NWD2: variants seen among roughly 807,000 people sequenced by gnomAD.
The protein encoded by NWD2 is NACHT and WD repeat domain-containing protein 2.
Under a neutral mutation model 132.7 loss-of-function variants are expected in NWD2, and 37 were observed. The ratio of observed to expected loss-of-function variants is 0.28; its 90% CI spans 0.21 to 0.37. NWD2 has a LOEUF of 0.37. NWD2 is among the 10% of genes least tolerant of loss of function. NWD2 has a pLI of 1.00. For synonymous variants in NWD2, 705 were observed against 803.0 expected, an observed-to-expected ratio of 0.88 and a Z score of 2.06; for missense variants, 1,592 against 2,122.4, an observed-to-expected ratio of 0.75 and a Z score of 4.91.
At chr4:37,323,042 G>A (rs1208207340) in intron 1 of NWD2, among the ~76,000 whole-genome samples, 1 of 109,594 alleles carries the variant, frequency 9.1e-6, no homozygotes, top group African/African-American at 2.6e-5. Flanking sequence ...CTAATTTAGT[G>A]GCTGTATGCT....
intron 3 of NWD2, among the ~76,000 whole-genome samples, chr4:37,388,437 G>C (rs1287664483): frequency 6.6e-6 from 1 of 152,048 alleles, no homozygotes; most frequent in Non-Finnish European, 1.5e-5. Flanking sequence ...GCCCACCTCA[G>C]CATCCCAAAG....
chr4:37,298,025 C>T (rs537787888), intron 1 of NWD2, among the ~76,000 whole-genome samples: 1 of 152,136 alleles, frequency 6.6e-6, no homozygotes, highest in African/African-American at 2.4e-5. Flanking sequence ...AACTGGTGGG[C>T]GTCTCAGTAA....
In NWD2 at chr4:37,447,100, A is replaced by G; in HGVS notation, c.5112A>G (p.Thr1704=). The part of the protein sequence containing the change: ...TEVFARDSPI[T]VSDSTESNEA... ...TCTTTGCAAGAGACAGCCCCATCAC[A>G]GTTAGTGACTCTACTGAGTCCAATG... Residue 1704 remains threonine, a synonymous_variant, in exon 7 of 7, where the codon ACA becomes ACG. Coordinates refer to ENST00000309447, the MANE Select transcript of NWD2 (RefSeq NM_001144990.2). The G allele has an allele frequency of 6.4e-7, 1 of 1,551,620 alleles. No homozygotes were observed. Among genetic ancestry groups the G allele is most frequent in the Non-Finnish European group, 8.7e-7 (1 of 1,146,994 alleles).
At chr4:37,324,786 C>T (rs572205236) in intron 1 of NWD2, among the ~76,000 whole-genome samples, 3 of 152,150 alleles carry the variant, frequency 2.0e-5, no homozygotes, top group Non-Finnish European at 4.4e-5. Context: ...GCTGCAGCTG[C>T]ATTTCAGGCT....
intron 5 of NWD2, among the ~76,000 whole-genome samples, chr4:37,434,377 A>AG (rs773981752): frequency 6.6e-5 from 10 of 152,308 alleles, no homozygotes; most frequent in Non-Finnish European, 1.3e-4. Context: ...AGCACTGGGG[A>AG]GACAACACTG....
intron 1 of NWD2, among the ~76,000 whole-genome samples, chr4:37,280,305 A>G (rs1310480177): frequency 2.6e-5 from 4 of 152,202 alleles, no homozygotes; most frequent in African/African-American, 7.2e-5. Context: ...TATTTACTCT[A>G]GTTCAGGATC....
At chr4:37,267,736 A>G (rs1717786061) in intron 1 of NWD2, among the ~76,000 whole-genome samples, 1 of 152,000 alleles carries the variant, frequency 6.6e-6, no homozygotes, top group Admixed American at 6.6e-5. Flanking sequence ...ATATGCCAGG[A>G]ATTAATATTA....
rs1717199829 is a variant in NWD2 at position 37,245,015 on chromosome 4, C to A, written c.-53C>A. The A allele has an allele frequency of 6.5e-7, 1 of 1,537,532 alleles. No homozygotes were observed. Among genetic ancestry groups the A allele is most frequent in the African/African-American group, 1.4e-5 (1 of 72,890 alleles). ...CGTTCCGTGGAGCTGCGGGCAGGAA[C>A]CCGAGGAGCAGGAGGTGGCGGCGGC... is the stretch of plus-strand genomic sequence containing the variant. On this transcript the variant is annotated 5_prime_UTR_variant, in exon 1 of 7. Transcript: ENST00000309447.
intron 3 of NWD2, among the ~76,000 whole-genome samples, chr4:37,405,851 G>A (rs889046714): frequency 6.6e-6 from 1 of 152,172 alleles, no homozygotes; most frequent in Non-Finnish European, 1.5e-5. Context: ...GAGAAAGGGG[G>A]ACCAGGGGAT....
At chr4:37,391,799 TG>T (rs1720683793) in intron 3 of NWD2, among the ~76,000 whole-genome samples, 1 of 152,216 alleles carries the variant, frequency 6.6e-6, no homozygotes, top group Admixed American at 6.5e-5. Context: ...TGTGCCCTCC[TG>T]CCCCGCTGTC....
chr4:37,337,196 CAA>C (rs757785085), intron 2 of NWD2, among the ~76,000 whole-genome samples: 1 of 152,158 alleles, frequency 6.6e-6, no homozygotes, highest in Non-Finnish European at 1.5e-5. Flanking sequence ...AATTTGAAAT[CAA>C]GAGAGGCACA....
chr4:37,268,633 A>C, intron 1 of NWD2, among the ~76,000 whole-genome samples: 1 of 151,890 alleles, frequency 6.6e-6, no homozygotes, highest in African/African-American at 2.4e-5. Flanking sequence ...ATGTAGAAAG[A>C]TCATTCATTG....
intron 1 of NWD2, among the ~76,000 whole-genome samples, chr4:37,250,943 GGTAA>G (rs1176028531): frequency 1.1e-4 from 16 of 152,330 alleles, no homozygotes; most frequent in Admixed American, 7.2e-4. Context: ...GTAACAGAAG[GGTAA>G]GTATTTGTGT....
At chr4:37,340,597 A>G (rs11096866) in intron 2 of NWD2, among the ~76,000 whole-genome samples, 3,485 of 152,230 alleles carry the variant, frequency 0.023, 100 homozygotes, top group East Asian at 0.12. Flanking sequence ...GGTTGGGGAG[A>G]AGCTCAGCCC....
At chr4:37,359,234 T>C (rs1719929125) in intron 3 of NWD2, among the ~76,000 whole-genome samples, 1 of 152,196 alleles carries the variant, frequency 6.6e-6, no homozygotes, top group Admixed American at 6.6e-5. Context: ...AACATCTTTA[T>C]TGAGCATAAA....
At chr4:37,301,316 A>T (rs960604059) in intron 1 of NWD2, among the ~76,000 whole-genome samples, 2 of 152,030 alleles carry the variant, frequency 1.3e-5, no homozygotes, top group Non-Finnish European at 2.9e-5. Flanking sequence ...CTTTATATTC[A>T]TTGTGCCTGG....
intron 1 of NWD2, among the ~76,000 whole-genome samples, chr4:37,311,852 G>A (rs1289492649): frequency 6.7e-6 from 1 of 149,800 alleles, no homozygotes; most frequent in Non-Finnish European, 1.5e-5. Flanking sequence ...CATATGGCTA[G>A]CCAGTTTTCC....
rs555283071 is a variant in NWD2 at position 37,337,325 on chromosome 4, G to A, written c.240+11301G>A. Among the ~76,000 whole-genome samples, 48 of 152,266 alleles carry A rather than the reference G, an allele frequency of 3.2e-4. No individual in the cohort carries two copies. In the East Asian group the frequency reaches 5.2e-3, roughly 17 times the overall value. ...CTTTCAAAAGAAATTGCCCAAACAC[G>A]CCTTTGCAACTAAGCGTGACAACAT... On this transcript the variant is annotated intron_variant, in intron 2 of 6. Transcript: ENST00000309447.
chr4:37,401,453 C>G (rs1720893477), intron 3 of NWD2, among the ~76,000 whole-genome samples: 1 of 152,186 alleles, frequency 6.6e-6, no homozygotes, highest in Non-Finnish European at 1.5e-5. Context: ...TACAGACTCA[C>G]ACATTGTCTT....
Sources: allele counts gnomAD v4.1 joint callset (sites outside exome capture counted in the v4.1 genomes callset), GRCh38; gene constraint gnomAD v4.1.1; transcripts MANE v1.5; gene names NCBI Gene and HGNC (gene_info 2026-07-23, HGNC 2026-07-21).